The following CTNNA3 variants were observed in gnomAD, a reference collection of about 807,000 sequenced individuals.
CTNNA3 encodes the protein catenin alpha 3.
A neutral mutation model predicts 95.7 loss-of-function variants in CTNNA3; 76 were observed. That is an observed-to-expected ratio of 0.79 (90% CI 0.66 to 0.96). The LOEUF is 0.96. Ranked by LOEUF, CTNNA3 falls within the 40% of genes least tolerant of loss-of-function variation. CTNNA3 has a pLI of 0.00. For missense variants in CTNNA3, 1,191 were observed against 1,089.8 expected, an observed-to-expected ratio of 1.09 and a Z score of -1.31; for synonymous variants, 431 against 374.4, an observed-to-expected ratio of 1.15 and a Z score of -1.74.
rs774069888 is a variant in CTNNA3, at chr10:65,943,125, G to A, written c.2401-22508C>T. ...GTGGCCCAGGCTGGAGAGCAGTGGC[G>A]TGATCTCGGCTCACTGCAAGCTCCG... On this transcript the variant is annotated intron_variant, in intron 17 of 17. Transcript: ENST00000433211. Among the ~76,000 whole-genome samples, 248 of 151,130 alleles carry A rather than the reference G, an allele frequency of 1.6e-3. 2 individuals are homozygous for A. The highest frequency in any genetic ancestry group is 3.4e-4 in the Non-Finnish European group (23 of 67,828).
chr10:66,574,141 C>T (rs529188616), intron 10 of CTNNA3, among the ~76,000 whole-genome samples: 24 of 152,022 alleles, frequency 1.6e-4, no homozygotes, highest in Admixed American at 1.5e-3. Flanking sequence ...TTAATTTCTA[C>T]CCATTTACTG....
intron 12 of CTNNA3, among the ~76,000 whole-genome samples, chr10:66,373,768 A>C (rs1414427233): frequency 6.6e-6 from 1 of 152,236 alleles, no homozygotes; most frequent in Non-Finnish European, 1.5e-5. Flanking sequence ...CATTACCAAA[A>C]TTAGGTTCAG....
intron 7 of CTNNA3, among the ~76,000 whole-genome samples, chr10:67,118,180 A>G (rs1859282743): frequency 6.6e-6 from 1 of 152,028 alleles, no homozygotes; most frequent in Admixed American, 6.6e-5. Flanking sequence ...AATGCAAAAG[A>G]ATTATCTAAA....
At chr10:67,663,382 C>CA (rs201262872) in intron 1 of CTNNA3, among the ~76,000 whole-genome samples, 28 of 141,788 alleles carry the variant, frequency 2.0e-4, no homozygotes, top group East Asian at 8.1e-4. Context: ...TATTTTGGAC[C>CA]AAAAAAAAAA....
intron 12 of CTNNA3, among the ~76,000 whole-genome samples, chr10:66,373,024 C>A (rs1342769518): frequency 1.3e-5 from 2 of 152,076 alleles, no homozygotes; most frequent in African/African-American, 4.8e-5. Context: ...AATATCCACT[C>A]TTAAGCCCTT....
intron 1 of CTNNA3, among the ~76,000 whole-genome samples, chr10:67,762,043 C>A (rs16924791): frequency 6.6e-6 from 1 of 151,888 alleles, no homozygotes; most frequent in Admixed American, 6.5e-5. Flanking sequence ...CCTAACTTGC[C>A]GCTCACTGCA....
intron 11 of CTNNA3, among the ~76,000 whole-genome samples, chr10:66,473,712 G>A (rs750871730): frequency 6.6e-6 from 1 of 151,904 alleles, no homozygotes; most frequent in Non-Finnish European, 1.5e-5. Context: ...TCCCCTTCCT[G>A]TGTCCAAGTG....
At chr10:66,629,169 T>C (rs1228200314) in intron 9 of CTNNA3, among the ~76,000 whole-genome samples, 3 of 151,986 alleles carry the variant, frequency 2.0e-5, no homozygotes, top group Non-Finnish European at 4.4e-5. Flanking sequence ...CCTGAAAATA[T>C]CCAGTTCAGC....
chr10:67,717,110 A>C (rs1841148739), intron 1 of CTNNA3, among the ~76,000 whole-genome samples: 1 of 152,166 alleles, frequency 6.6e-6, no homozygotes, highest in South Asian at 2.1e-4. Context: ...GTTGGCCAAT[A>C]AATATCTTCT....
At chr10:67,368,328 G>A (rs1210466323) in intron 5 of CTNNA3, among the ~76,000 whole-genome samples, 3 of 152,112 alleles carry the variant, frequency 2.0e-5, no homozygotes, top group Admixed American at 2.0e-4. Context: ...ATGCTCACTA[G>A]AATGGCTGAA....
chr10:67,177,941 T>G (rs1862322936), intron 7 of CTNNA3, among the ~76,000 whole-genome samples: 1 of 152,216 alleles, frequency 6.6e-6, no homozygotes. Flanking sequence ...GACCTGCTAC[T>G]GCACATAGGA....
At chr10:67,231,922 T>C (rs533136842) in intron 5 of CTNNA3, among the ~76,000 whole-genome samples, 1,549 of 151,988 alleles carry the variant, frequency 0.01, 15 homozygotes, top group African/African-American at 0.024. Flanking sequence ...CAATGGAAGA[T>C]GAAATGAATG....
At chr10:66,518,923 T>C (rs1379646034) in intron 11 of CTNNA3, among the ~76,000 whole-genome samples, 2 of 152,026 alleles carry the variant, frequency 1.3e-5, no homozygotes, top group Non-Finnish European at 2.9e-5. Flanking sequence ...TAATGTATCA[T>C]GAAAATATAG....
At chr10:66,560,918 A>G (rs375047612) in intron 10 of CTNNA3, among the ~76,000 whole-genome samples, 2 of 151,956 alleles carry the variant, frequency 1.3e-5, no homozygotes, top group East Asian at 1.9e-4. Flanking sequence ...CCATTTGTAA[A>G]CCAGTAAGTG....
intron 11 of CTNNA3, among the ~76,000 whole-genome samples, chr10:66,505,179 G>C (rs1393519882): frequency 6.6e-6 from 1 of 152,094 alleles, no homozygotes; most frequent in Non-Finnish European, 1.5e-5. Context: ...TCAAATGAAA[G>C]CACCTTAAGT....
At chr10:66,314,237 G>A (rs2132268950) in intron 12 of CTNNA3, among the ~76,000 whole-genome samples, 2 of 152,266 alleles carry the variant, frequency 1.3e-5, no homozygotes, top group South Asian at 4.1e-4. Context: ...AGATGTCCTA[G>A]ATAAAGAAGG....
intron 7 of CTNNA3, among the ~76,000 whole-genome samples, chr10:67,158,307 C>T (rs1197093094): frequency 2.6e-5 from 4 of 152,056 alleles, no homozygotes; most frequent in African/African-American, 4.8e-5. Context: ...GGCACTTAGA[C>T]ACAAGATGGC....
At chr10:66,742,865 T>C (rs1849374253) in intron 9 of CTNNA3, among the ~76,000 whole-genome samples, 2 of 152,198 alleles carry the variant, frequency 1.3e-5, no homozygotes, top group Admixed American at 1.3e-4. Flanking sequence ...TGATGGAATA[T>C]TTTAATATGT....
intron 5 of CTNNA3, among the ~76,000 whole-genome samples, chr10:67,291,693 C>T (rs1016922052): frequency 2.0e-5 from 3 of 152,038 alleles, no homozygotes; most frequent in African/African-American, 4.8e-5. Flanking sequence ...AAGGCCACAC[C>T]GCCACTCACA....
Sources: allele counts gnomAD v4.1 joint callset (sites outside exome capture counted in the v4.1 genomes callset), GRCh38; gene constraint gnomAD v4.1.1; transcripts MANE v1.5; gene names NCBI Gene and HGNC (gene_info 2026-07-23, HGNC 2026-07-21).